The following ARHGEF12 variants were observed in gnomAD, a reference collection of about 807,000 sequenced individuals.
ARHGEF12 encodes the protein Rho guanine nucleotide exchange factor 12, also known as KMT2A/ARHGEF12 fusion protein.
A neutral mutation model predicts 211.2 loss-of-function variants in ARHGEF12; 66 were observed. The observed-to-expected ratio is 0.31, with a 90% confidence interval of 0.26 to 0.38. The LOEUF (loss-of-function observed/expected upper bound fraction) is 0.38, where lower values mean the gene tolerates loss of function less well. Among genes scored for constraint, ARHGEF12 ranks in the 10% least tolerant of loss-of-function variants. ARHGEF12 has a pLI of 1.00. For missense variants in ARHGEF12, 1,429 were observed against 1,869.5 expected (o/e 0.76, Z 4.34); for synonymous variants, 592 against 638.4 (o/e 0.93, Z 1.09).
rs142864831 is a variant in ARHGEF12 at position 120,488,683 on chromosome 11, C to G, written c.*3606C>G. On this transcript the variant is annotated 3_prime_UTR_variant, in exon 41 of 41. Coordinates refer to ENST00000397843, the MANE Select transcript of ARHGEF12 (RefSeq NM_015313.3). ...AAAAATGGTAACTGTCATGTGCACA[C>G]TGTTGGTTATTTTTAATAAGCCTCT... 1 of 220,662 alleles carries G rather than the reference C, an allele frequency of 4.5e-6. No homozygotes were observed. The highest frequency in any genetic ancestry group is 2.2e-5 in the African/African-American group (1 of 44,616). 13.7% of individuals were successfully genotyped at this position (220,662 alleles called of 1,614,324 possible).
chr11:120,458,977 G>A, intron 25 of ARHGEF12, 197 bp from the exon 26 acceptor site: 2 of 384,036 alleles, frequency 5.2e-6, no homozygotes, highest in Non-Finnish European at 4.4e-6. Flanking sequence ...TTTTTTATTT[G>A]TCAGTATTCA....
intron 27 of ARHGEF12, chr11:120,462,918 C>T (rs923282861): frequency 1.3e-5 from 2 of 152,080 alleles, no homozygotes; most frequent in East Asian, 1.9e-4. Context: ...TAATCTTTTC[C>T]GGAGCTTGGC....
intron 1 of ARHGEF12, among the ~76,000 whole-genome samples, chr11:120,389,166 C>T (rs149427335): frequency 1.3e-5 from 2 of 152,250 alleles, no homozygotes; most frequent in African/African-American, 4.8e-5. Context: ...CCACCATGCC[C>T]GGCCATAAGT....
intron 1 of ARHGEF12, among the ~76,000 whole-genome samples, chr11:120,397,790 A>C (rs1944432641): frequency 6.6e-6 from 1 of 152,194 alleles, no homozygotes; most frequent in Non-Finnish European, 1.5e-5. Flanking sequence ...CTGTAGTGAA[A>C]TATTTAATAT....
At chr11:120,378,778 C>T (rs924884376) in intron 1 of ARHGEF12, among the ~76,000 whole-genome samples, 4 of 152,126 alleles carry the variant, frequency 2.6e-5, no homozygotes, top group Non-Finnish European at 5.9e-5. Flanking sequence ...ACTTAATAGA[C>T]TGTCTGTGCA....
Position 120,488,704 on chromosome 11 carries a change from C to G in ARHGEF12, c.*3627C>G. The G allele has an allele frequency of 4.6e-6, 1 of 218,874 alleles. No homozygotes were observed. The highest frequency in any genetic ancestry group is 9.2e-6 in the Non-Finnish European group (1 of 108,754). The allele number at this position is 218,874 out of a possible 1,614,324, so 13.6% of individuals were successfully genotyped here. ...CACACTGTTGGTTATTTTTAATAAG[C>G]CTCTTCCTACTAGAACATTTTATTT... On this transcript the variant is annotated 3_prime_UTR_variant, in exon 41 of 41. Transcript: ENST00000397843.
At chr11:120,444,709 T>C (rs921898638) in intron 15 of ARHGEF12, among the ~76,000 whole-genome samples, 1 of 152,154 alleles carries the variant, frequency 6.6e-6, no homozygotes, top group African/African-American at 2.4e-5. Flanking sequence ...TAATGCAAAA[T>C]AATAAAGTAT....
Position 120,443,569 on chromosome 11 carries a change from A to G in ARHGEF12, c.1302+1367A>G, listed in dbSNP as rs143833480. On this transcript the variant is annotated intron_variant, in intron 15 of 40. Transcript: ENST00000397843. ...CGTTTTCTTTGTATGCCTTTACAAA[A>G]TTGTCTGTACACTTTCACATTCAAT... is the stretch of plus-strand genomic sequence containing the variant. Among the ~76,000 whole-genome samples the G allele has an allele frequency of 2.9e-3, 436 of 152,260 alleles. 7 individuals carry two copies. The highest frequency in any genetic ancestry group is 0.02 in the Admixed American group (303 of 15,288).
intron 15 of ARHGEF12, among the ~76,000 whole-genome samples, chr11:120,444,775 A>C (rs375406360): frequency 6.6e-6 from 1 of 152,132 alleles, no homozygotes; most frequent in South Asian, 2.1e-4. Flanking sequence ...TTATTATGCA[A>C]ATATTATGGG....
At chr11:120,448,546 A>G (rs1378241142) in intron 20 of ARHGEF12, 198 bp downstream of exon 20, 29 of 558,778 alleles carry the variant, frequency 5.2e-5, no homozygotes, top group Non-Finnish European at 9.1e-5. Flanking sequence ...TTATTAGACA[A>G]TGTGAAAAGT....
intron 22 of ARHGEF12, among the ~76,000 whole-genome samples, chr11:120,454,143 C>G (rs1946291154): frequency 6.6e-6 from 1 of 152,172 alleles, no homozygotes; most frequent in South Asian, 2.1e-4. Context: ...AGAGAGCTCT[C>G]AACTGAAACA....
At chr11:120,383,725 C>T (rs780586020) in intron 1 of ARHGEF12, among the ~76,000 whole-genome samples, 1 of 152,150 alleles carries the variant, frequency 6.6e-6, no homozygotes, top group Non-Finnish European at 1.5e-5. Flanking sequence ...CACTTGCTCA[C>T]CTCCTGCTGT....
intron 37 of ARHGEF12, among the ~76,000 whole-genome samples, 187 bp downstream of exon 37, chr11:120,478,576 C>G (rs531405946): frequency 3.4e-4 from 52 of 152,304 alleles, no homozygotes; most frequent in African/African-American, 1.1e-3. Flanking sequence ...TCCCCACCCC[C>G]CTGCCTGGTT....
chr11:120,385,491 T>C, intron 1 of ARHGEF12: 1 of 985,390 alleles, frequency 1.0e-6, no homozygotes, highest in Non-Finnish European at 1.2e-6. Flanking sequence ...ATCCAGGTAA[T>C]CTACTGCAGT....
At chr11:120,402,889 A>T (rs879702554) in intron 1 of ARHGEF12, among the ~76,000 whole-genome samples, 2 of 152,238 alleles carry the variant, frequency 1.3e-5, no homozygotes, top group Non-Finnish European at 2.9e-5. Flanking sequence ...AGTCCAAAAG[A>T]AATTCTGTTT....
intron 22 of ARHGEF12, among the ~76,000 whole-genome samples, chr11:120,454,781 A>T (rs1946315950): frequency 6.6e-6 from 1 of 152,216 alleles, no homozygotes; most frequent in Non-Finnish European, 1.5e-5. Flanking sequence ...CCATAGAGAT[A>T]CTTGAGTGTT....
At chr11:120,416,518 C>T (rs1472371419) in intron 4 of ARHGEF12, among the ~76,000 whole-genome samples, 1 of 152,120 alleles carries the variant, frequency 6.6e-6, no homozygotes, top group African/African-American at 2.4e-5. Flanking sequence ...TTCTTAAGGA[C>T]GTCCAGCTGT....
intron 1 of ARHGEF12, among the ~76,000 whole-genome samples, chr11:120,380,123 G>C (rs1473693598): frequency 6.6e-6 from 1 of 152,172 alleles, no homozygotes; most frequent in African/African-American, 2.4e-5. Context: ...TGCCCCCTGA[G>C]AGTACCCACT....
At chr11:120,359,654 T>C (rs1483704137) in intron 1 of ARHGEF12, among the ~76,000 whole-genome samples, 1 of 152,218 alleles carries the variant, frequency 6.6e-6, no homozygotes, top group Non-Finnish European at 1.5e-5. Flanking sequence ...AGTGCTATTA[T>C]ATTTGTGATG....
Sources: gnomAD v4.1 joint callset for allele counts (sites outside exome capture counted in the v4.1 genomes callset) on GRCh38, gnomAD v4.1.1 for gene constraint, MANE v1.5 for transcripts, NCBI Gene and HGNC (gene_info 2026-07-23, HGNC 2026-07-21) for gene names.